TLL1: variants seen among roughly 807,000 people sequenced by gnomAD.
TLL1 encodes tolloid-like protein 1.
Under a neutral mutation model 128.2 loss-of-function variants are expected in TLL1, and 49 were observed. The observed-to-expected ratio is 0.38, with a 90% CI of 0.30 to 0.48. The LOEUF is 0.48. Among genes scored for constraint, TLL1 ranks in the 20% least tolerant of loss-of-function variants. The probability of loss-of-function intolerance (pLI) is 0.96; values close to 1 mark genes in which losing one functional copy is unlikely to be tolerated. For synonymous variants in TLL1, 454 were observed against 418.8 expected (o/e 1.08, Z -1.03); for missense variants, 1,123 against 1,242.0 (o/e 0.90, Z 1.44).
At chr4:165,989,326 G>T in intron 1 of TLL1, 55 bp from the exon 2 acceptor site, 1 of 1,247,262 alleles carries the variant, frequency 8.0e-7, no homozygotes. Context: ...TTAGCTTTGT[G>T]TGTATTGATT....
chr4:165,939,964 CTT>C (rs764838012), intron 1 of TLL1, among the ~76,000 whole-genome samples: 56 of 152,096 alleles, frequency 3.7e-4, no homozygotes, highest in Non-Finnish European at 7.1e-4. Context: ...TCATTACTCT[CTT>C]TTAAATCTTG....
rs566258862 is a variant in TLL1, at chr4:165,984,026, A to G, written c.170-5355A>G. Among the ~76,000 whole-genome samples the G allele has an allele frequency of 3.3e-5, 5 of 152,014 alleles. No individual in the cohort carries two copies. In the East Asian group the frequency reaches 9.7e-4, roughly 29 times the overall value. On this transcript the variant is annotated intron_variant, in intron 1 of 20. Transcript: ENST00000061240. ...TAGTGTATGGTAAAAGTGGAAAAGT[A>G]GATTTTGAAAAAAATGATAATGTTT...
In TLL1 at chr4:166,099,344, TAAC is replaced by T. The variant is rs1742175767; in HGVS notation, c.2728_2730del (p.Asn910del). The T allele has an allele frequency of 1.9e-6, 3 of 1,613,514 alleles. No homozygotes were observed. The highest frequency in any genetic ancestry group is 1.7e-6 in the Non-Finnish European group (2 of 1,179,682). ...TGTACTCACATGCTCAGTTTGGTGA[TAAC>T]AACTACCCAGGACAGGTTGACTGTG... is the stretch of plus-strand genomic sequence containing the variant. On this transcript the variant is annotated inframe_deletion, in exon 20 of 21. Coordinates refer to ENST00000061240, the MANE Select transcript of TLL1 (RefSeq NM_012464.5).
In TLL1 at chr4:166,103,311, C is replaced by T. The variant is rs577130997; in HGVS notation, c.*2435C>T. ...AGCATTTTGCTCTTTTTAAGAACAG[C>T]ATGAAATTTAGAATACCAATGATAG... On this transcript the variant is annotated 3_prime_UTR_variant, in exon 21 of 21. Coordinates refer to ENST00000061240, the MANE Select transcript of TLL1 (RefSeq NM_012464.5). 6.6e-6 allele frequency: 1 copy of T among 151,586 alleles called. No individual in the cohort carries two copies. Among genetic ancestry groups the T allele is most frequent in the Non-Finnish European group, 1.5e-5 (1 of 67,830 alleles). The allele number at this position is 151,586 out of a possible 1,614,324, so 9.4% of individuals were successfully genotyped here. A position where few individuals can be genotyped will look rare whatever the true frequency, so the allele number is the denominator to read the frequency against.
At chr4:166,091,062 C>G (rs1340007872) in intron 18 of TLL1, 66 bp from the exon 19 acceptor site, 1 of 1,413,736 alleles carries the variant, frequency 7.1e-7, no homozygotes, top group Non-Finnish European at 9.8e-7. Flanking sequence ...ATTTCTGTCC[C>G]AAAAATTATC....
At chr4:166,096,844 T>C (rs1395837467) in intron 19 of TLL1, among the ~76,000 whole-genome samples, 2 of 152,302 alleles carry the variant, frequency 1.3e-5, no homozygotes, top group East Asian at 1.9e-4. Flanking sequence ...AATATTTTAC[T>C]GGCCTTCAAA....
chr4:166,042,163 A>G lies in TLL1; in HGVS notation c.1378+20A>G, dbSNP rs761476154. On this transcript the variant is annotated intron_variant, in intron 11 of 20. Transcript: ENST00000061240. ...ATGAAGGTAAGTCACATTGAATTTTAGAGAGTAGTTCATCTTATATCTCAA... is the reference window on the plus strand; with the variant it reads ...ATGAAGGTAAGTCACATTGAATTTTGGAGAGTAGTTCATCTTATATCTCAA... The G allele has an allele frequency of 6.8e-7, 1 of 1,478,488 alleles. No individual in the cohort carries two copies. The highest frequency in any genetic ancestry group is 9.5e-7 in the Non-Finnish European group (1 of 1,057,732). The allele number at this position is 1,478,488 out of a possible 1,614,324, so 91.6% of individuals were successfully genotyped here.
In TLL1 at chr4:166,003,938, A is replaced by T. The variant is rs1737284679; in HGVS notation, c.811+369A>T. On this transcript the variant is annotated intron_variant, in intron 6 of 20. Transcript: ENST00000061240. ...CTATAATTTATGTTATAAGGATTTTAAAAAGGCCTGGGGTTTGCCATAACA... is the reference window on the plus strand; with the variant it reads ...CTATAATTTATGTTATAAGGATTTTTAAAAGGCCTGGGGTTTGCCATAACA... Among the ~76,000 whole-genome samples, 4 of 152,142 alleles carry T rather than the reference A, an allele frequency of 2.6e-5. No individual in the cohort carries two copies. In the South Asian group the frequency reaches 8.3e-4, roughly 32 times the overall value.
At chr4:166,030,743 G>A (rs1738730543) in intron 9 of TLL1, 1 of 1,154,752 alleles carries the variant, frequency 8.7e-7, no homozygotes, top group African/African-American at 1.6e-5. Context: ...TTTACTAAAT[G>A]TTTTTATTCA....
At chr4:166,069,220 A>G (rs1740704723) in intron 16 of TLL1, among the ~76,000 whole-genome samples, 1 of 151,750 alleles carries the variant, frequency 6.6e-6, no homozygotes, top group South Asian at 2.1e-4. Flanking sequence ...GCAATCTAAT[A>G]AAGATGTTAA....
chr4:166,100,693 A>G, intron 20 of TLL1, 49 bp from the exon 21 acceptor site: 3 of 1,610,140 alleles, frequency 1.9e-6, no homozygotes, highest in Non-Finnish European at 2.5e-6. Flanking sequence ...AGAAAAAGTG[A>G]TTCGTTTTAT....
intron 1 of TLL1, among the ~76,000 whole-genome samples, chr4:165,914,202 G>A (rs1381470338): frequency 6.6e-6 from 1 of 151,850 alleles, no homozygotes; most frequent in Non-Finnish European, 1.5e-5. Context: ...TTCTCTATTA[G>A]CGTGTGAAAA....
intron 15 of TLL1, 101 bp from the exon 16 acceptor site, chr4:166,065,582 C>T (rs370134590): frequency 1.6e-5 from 21 of 1,314,928 alleles, no homozygotes; most frequent in Admixed American, 9.4e-5. Context: ...GTTTGACTAC[C>T]GTAAGAGTAA....
chr4:166,047,319 T>C (rs1739501451), intron 12 of TLL1, among the ~76,000 whole-genome samples: 1 of 151,376 alleles, frequency 6.6e-6, no homozygotes, highest in Admixed American at 6.6e-5. Flanking sequence ...CGTGTGCCAC[T>C]GTGCCTGGCT....
rs754152564 is a variant in TLL1 at position 166,100,803 on chromosome 4, C to T, written c.2969C>T (p.Thr990Ile). ...SVLIHFHTDD[T>I]INKKGFHIRY... ...TTAATTCATTTCCACACTGATGACA[C>T]AATCAACAAGAAGGGATTTCATATA... The change falls in exon 21 of 21, where the codon ACA (threonine) becomes ATA (isoleucine). Residue 990 changes from threonine to isoleucine, a missense_variant. Coordinates refer to ENST00000061240, the MANE Select transcript of TLL1 (RefSeq NM_012464.5). The T allele has an allele frequency of 6.2e-7, 1 of 1,613,002 alleles. No homozygotes were observed. Among genetic ancestry groups the T allele is most frequent in the Non-Finnish European group, 8.5e-7 (1 of 1,179,330 alleles).
At chr4:165,954,554 G>C (rs1734685027) in intron 1 of TLL1, among the ~76,000 whole-genome samples, 1 of 151,968 alleles carries the variant, frequency 6.6e-6, no homozygotes, top group South Asian at 2.1e-4. Flanking sequence ...ATGTAACTTT[G>C]CCAGACCTCT....
At chr4:166,038,067 T>C (rs1431940099) in intron 9 of TLL1, among the ~76,000 whole-genome samples, 2 of 152,180 alleles carry the variant, frequency 1.3e-5, no homozygotes, top group African/African-American at 2.4e-5. Flanking sequence ...CAGCATTGAT[T>C]TGTAATAATT....
chr4:166,073,945 A>G (rs1445543759), intron 16 of TLL1, among the ~76,000 whole-genome samples: 1 of 152,100 alleles, frequency 6.6e-6, no homozygotes, highest in African/African-American at 2.4e-5. Flanking sequence ...TGTGGGAGTG[A>G]TGAAAGTCTG....
At chr4:166,013,327 TTC>T (rs1284537726) in intron 7 of TLL1, among the ~76,000 whole-genome samples, 1 of 151,824 alleles carries the variant, frequency 6.6e-6, no homozygotes, top group Admixed American at 6.6e-5. Flanking sequence ...AGGAAGGAAT[TTC>T]TGTTTGTTTT....
Sources: gnomAD v4.1 joint callset for allele counts (sites outside exome capture counted in the v4.1 genomes callset) on GRCh38, gnomAD v4.1.1 for gene constraint, MANE v1.5 for transcripts, NCBI Gene and HGNC (gene_info 2026-07-23, HGNC 2026-07-21) for gene names.